SCFD2: variants seen among roughly 807,000 people sequenced by gnomAD.
SCFD2 encodes the protein sec1 family domain-containing protein 2.
In SCFD2, 54 loss-of-function variants were observed where a neutral mutation model predicts 58.9. The ratio of observed to expected loss-of-function variants is 0.92; its 90% confidence interval spans 0.74 to 1.15. The LOEUF (loss-of-function observed/expected upper bound fraction) is 1.15. Ranked by LOEUF, SCFD2 falls within the 50% of genes most tolerant of loss-of-function variation. SCFD2 has a pLI of 0.00. For synonymous variants in SCFD2, 321 were observed against 335.9 expected (o/e 0.96, Z 0.49); for missense variants, 805 against 836.6 (o/e 0.96, Z 0.47).
At chr4:52,903,550 C>T (rs1306417201) in intron 7 of SCFD2, among the ~76,000 whole-genome samples, 1 of 152,204 alleles carries the variant, frequency 6.6e-6, no homozygotes, top group Non-Finnish European at 1.5e-5. Flanking sequence ...ACTCTCCCAA[C>T]TTTTGGTGAG....
At chr4:53,227,745 G>A (rs1280715721) in intron 4 of SCFD2, among the ~76,000 whole-genome samples, 1 of 151,248 alleles carries the variant, frequency 6.6e-6, no homozygotes, top group Non-Finnish European at 1.5e-5. Context: ...GAAATTCCAG[G>A]GTATATATTT....
At chr4:53,019,180 C>G (rs190318509) in intron 5 of SCFD2, among the ~76,000 whole-genome samples, 1 of 152,190 alleles carries the variant, frequency 6.6e-6, no homozygotes, top group Admixed American at 6.5e-5. Context: ...AAGATTTATG[C>G]ACAAGGATGT....
chr4:53,096,308 G>A (rs1724631922), intron 5 of SCFD2, among the ~76,000 whole-genome samples: 1 of 152,176 alleles, frequency 6.6e-6, no homozygotes, highest in Non-Finnish European at 1.5e-5. Context: ...CTTCCACAAT[G>A]GTTGAACTAG....
chr4:53,224,177 T>G (rs6554076), intron 4 of SCFD2, among the ~76,000 whole-genome samples: 148,674 of 152,188 alleles, frequency 0.98, 72,724 homozygotes, highest in Middle Eastern at 1. Flanking sequence ...GATCATGAGG[T>G]CAGGAGCTCG....
At chr4:53,071,869 CTTTAT>C (rs1204265950) in intron 5 of SCFD2, among the ~76,000 whole-genome samples, 4 of 151,968 alleles carry the variant, frequency 2.6e-5, no homozygotes, top group Admixed American at 2.6e-4. Context: ...ATTATAAAAG[CTTTAT>C]TTTAATAAAA....
intron 4 of SCFD2, among the ~76,000 whole-genome samples, chr4:53,215,517 G>A (rs2148987313): frequency 6.6e-6 from 1 of 152,248 alleles, no homozygotes; most frequent in South Asian, 2.1e-4. Flanking sequence ...CTTTGCTGAA[G>A]TTGCTTATCA....
chr4:53,258,748 T>A (rs1406259179), intron 4 of SCFD2, among the ~76,000 whole-genome samples: 1 of 151,908 alleles, frequency 6.6e-6, no homozygotes, highest in East Asian at 1.9e-4. Context: ...TACCTAGTAG[T>A]GGGATTGCTG....
intron 8 of SCFD2, among the ~76,000 whole-genome samples, chr4:52,885,386 C>A (rs1325773545): frequency 6.6e-6 from 1 of 152,080 alleles, no homozygotes. Context: ...AAGAAGAGCT[C>A]TCCTCCCTCC....
At chr4:53,145,278 A>C in intron 5 of SCFD2, 55 bp downstream of exon 5, 1 of 1,588,112 alleles carries the variant, frequency 6.3e-7, no homozygotes, top group Middle Eastern at 1.7e-4. Context: ...TTTATTTTGA[A>C]ACCTGTTTCG....
At chr4:53,063,354 A>G (rs1007414859) in intron 5 of SCFD2, among the ~76,000 whole-genome samples, 3 of 152,138 alleles carry the variant, frequency 2.0e-5, no homozygotes, top group African/African-American at 7.2e-5. Flanking sequence ...TTATGCCCCA[A>G]TGTAACAATT....
At chr4:53,185,712 T>G (rs186761068) in intron 4 of SCFD2, among the ~76,000 whole-genome samples, 1 of 152,252 alleles carries the variant, frequency 6.6e-6, no homozygotes, top group Admixed American at 6.5e-5. Context: ...ATATTTAAAT[T>G]TAACTGTGAT....
chr4:53,101,514 G>A (rs1724832138), intron 5 of SCFD2, among the ~76,000 whole-genome samples: 2 of 152,184 alleles, frequency 1.3e-5, no homozygotes, highest in South Asian at 4.1e-4. Flanking sequence ...ATAACACACA[G>A]TCTGGCTGTA....
intron 5 of SCFD2, among the ~76,000 whole-genome samples, chr4:53,015,435 CA>C (rs374035731): frequency 9.3e-4 from 142 of 152,076 alleles, no homozygotes; most frequent in African/African-American, 3.3e-3. Context: ...TGCAAAAAAA[CA>C]AAAACAAAAC....
chr4:53,350,242 T>C (rs1361929799), intron 2 of SCFD2, among the ~76,000 whole-genome samples: 1 of 152,186 alleles, frequency 6.6e-6, no homozygotes, highest in Non-Finnish European at 1.5e-5. Flanking sequence ...AGCATAATTC[T>C]AGTCAGTATA....
intron 5 of SCFD2, chr4:52,957,497 TG>T (rs2109537030): frequency 6.6e-6 from 1 of 152,352 alleles, no homozygotes; most frequent in Admixed American, 6.5e-5. Flanking sequence ...TGGCAGTTTA[TG>T]GACTTTCACA....
Position 53,355,514 on chromosome 4 carries a change from C to A in SCFD2, c.839-2748G>T, listed in dbSNP as rs145408498. On this transcript the variant is annotated intron_variant, in intron 1 of 8. Coordinates refer to ENST00000401642, the MANE Select transcript of SCFD2 (RefSeq NM_152540.4). ...ATTACTATAACTAAGCTCTCGTAATCTCTTTAGTAACAGTAGCTACCATAT... is the reference window on the plus strand; with the variant it reads ...ATTACTATAACTAAGCTCTCGTAATATCTTTAGTAACAGTAGCTACCATAT... Among the ~76,000 whole-genome samples the A allele has an allele frequency of 7.6e-3, 1,152 of 152,268 alleles. 16 individuals are homozygous for A. Among genetic ancestry groups the A allele is most frequent in the African/African-American group, 0.026 (1,087 of 41,538 alleles).
chr4:53,013,226 C>A, intron 5 of SCFD2, among the ~76,000 whole-genome samples: 1 of 152,214 alleles, frequency 6.6e-6, no homozygotes, highest in African/African-American at 2.4e-5. Context: ...ACAAAGATAT[C>A]TCATCAAATC....
intron 5 of SCFD2, among the ~76,000 whole-genome samples, chr4:52,992,452 G>A (rs1291421502): frequency 1.3e-5 from 2 of 151,932 alleles, no homozygotes; most frequent in Admixed American, 6.5e-5. Flanking sequence ...CCGCCACCCC[G>A]TCTGGGAAGT....
chr4:52,990,710 G>A (rs528028451), intron 5 of SCFD2, among the ~76,000 whole-genome samples: 1 of 152,196 alleles, frequency 6.6e-6, no homozygotes, highest in African/African-American at 2.4e-5. Context: ...ATTGAAGGCA[G>A]GTACTGTGTC....
Sources: gnomAD v4.1 joint callset for allele counts (sites outside exome capture counted in the v4.1 genomes callset) on GRCh38, gnomAD v4.1.1 for gene constraint, MANE v1.5 for transcripts, NCBI Gene and HGNC (gene_info 2026-07-23, HGNC 2026-07-21) for gene names.